ENTREP2: variants seen among roughly 807,000 people sequenced by gnomAD.
ENTREP2 encodes the protein endosomal transmembrane epsin interactor 2.
At chr15:29,177,035 AG>A in the ENTREP2 span, among the ~76,000 whole-genome samples, 2 of 152,200 alleles carry the variant, frequency 1.3e-5, no homozygotes, top group African/African-American at 4.8e-5. Flanking sequence ...GACTTTCAAG[AG>A]GTAGAGCCAA....
the ENTREP2 span, among the ~76,000 whole-genome samples, chr15:29,135,455 C>T: frequency 9.2e-5 from 14 of 152,060 alleles, no homozygotes; most frequent in African/African-American, 2.7e-4. The surrounding 1 kb of genome is among the most constrained non-coding windows in gnomAD (Gnocchi z 7.4). Flanking sequence ...CTATGGGCCA[C>T]GTGACTTTTC....
the ENTREP2 span, among the ~76,000 whole-genome samples, chr15:29,386,157 G>A: frequency 6.6e-6 from 1 of 152,106 alleles, no homozygotes; most frequent in Non-Finnish European, 1.5e-5. Flanking sequence ...TGTACACTAG[G>A]GCAAGAACCA....
chr15:29,401,923 G>A, the ENTREP2 span, among the ~76,000 whole-genome samples: 1 of 152,266 alleles, frequency 6.6e-6, no homozygotes, highest in African/African-American at 2.4e-5. Context: ...ATGGATGAAT[G>A]CATTTACTAC....
At chr15:29,426,033 C>T in the ENTREP2 span, among the ~76,000 whole-genome samples, 8 of 150,070 alleles carry the variant, frequency 5.3e-5, no homozygotes, top group African/African-American at 1.9e-4. Context: ...ATAATTATTA[C>T]ATAAAGATAA....
At chr15:29,268,740 G>C in the ENTREP2 span, 1 of 1,538,224 alleles carries the variant, frequency 6.5e-7, no homozygotes, top group Non-Finnish European at 8.8e-7. Flanking sequence ...CCTCTAAACT[G>C]TGCCTTTGGG....
the ENTREP2 span, among the ~76,000 whole-genome samples, chr15:29,245,733 G>C: frequency 6.6e-6 from 1 of 152,024 alleles, no homozygotes; most frequent in Non-Finnish European, 1.5e-5. Flanking sequence ...CAAATATAAA[G>C]ATGCTCAACT....
At chr15:29,124,171 C>T in the ENTREP2 span, among the ~76,000 whole-genome samples, 1 of 152,318 alleles carries the variant, frequency 6.6e-6, no homozygotes, top group Admixed American at 6.5e-5. Context: ...GGACCTGGCT[C>T]CAGCTCCCCA....
the ENTREP2 span, chr15:29,136,962 G>C: frequency 7.8e-7 from 1 of 1,279,052 alleles, no homozygotes; most frequent in Non-Finnish European, 1.0e-6. Flanking sequence ...CAGGACCACT[G>C]CAACTCCCAC....
the ENTREP2 span, among the ~76,000 whole-genome samples, chr15:29,175,404 G>A: frequency 1.2e-4 from 18 of 152,202 alleles, no homozygotes; most frequent in Admixed American, 2.6e-4. Flanking sequence ...TGTCTGATCG[G>A]ATTGAAAACA....
At chr15:29,403,903 G>C in the ENTREP2 span, among the ~76,000 whole-genome samples, 1 of 152,192 alleles carries the variant, frequency 6.6e-6, no homozygotes, top group African/African-American at 2.4e-5. Context: ...GCCCCAGCCT[G>C]GGAGCTGTGC....
the ENTREP2 span, among the ~76,000 whole-genome samples, chr15:29,398,565 A>G: frequency 6.6e-6 from 1 of 151,980 alleles, no homozygotes; most frequent in Non-Finnish European, 1.5e-5. Context: ...CTCTACTAAA[A>G]ATACAAAAAT....
At chr15:29,218,485 C>T in the ENTREP2 span, among the ~76,000 whole-genome samples, 2 of 151,968 alleles carry the variant, frequency 1.3e-5, no homozygotes, top group Non-Finnish European at 2.9e-5. Context: ...CATACAAAAC[C>T]AAAAAAGAGC....
the ENTREP2 span, among the ~76,000 whole-genome samples, chr15:29,147,594 C>T: frequency 1.3e-5 from 2 of 151,822 alleles, no homozygotes; most frequent in Non-Finnish European, 2.9e-5. Context: ...AAACTGGAAC[C>T]ACAATGAAAT....
At chr15:29,465,083 T>C in the ENTREP2 span, among the ~76,000 whole-genome samples, 1 of 152,086 alleles carries the variant, frequency 6.6e-6, no homozygotes, top group African/African-American at 2.4e-5. Context: ...GACGATGCGG[T>C]TGGGAGCTGC....
chr15:29,590,335 G>A, the ENTREP2 span, among the ~76,000 whole-genome samples: 3 of 152,066 alleles, frequency 2.0e-5, no homozygotes, highest in South Asian at 2.1e-4. Context: ...ACATCCTGGC[G>A]CATTTGTAAG....
chr15:29,517,476 T>C, the ENTREP2 span, among the ~76,000 whole-genome samples: 2 of 152,136 alleles, frequency 1.3e-5, no homozygotes, highest in Non-Finnish European at 1.5e-5. Context: ...AAATTAGGTA[T>C]GCCTGCACTA....
the ENTREP2 span, chr15:29,128,980 C>T: frequency 6.2e-6 from 4 of 642,962 alleles, no homozygotes; most frequent in African/African-American, 5.5e-5. Context: ...GAGAGACGTT[C>T]ATCCACACCT....
chr15:29,618,110 A>C, the ENTREP2 span, among the ~76,000 whole-genome samples: 2 of 152,098 alleles, frequency 1.3e-5, no homozygotes, highest in Non-Finnish European at 2.9e-5. Flanking sequence ...CCATGTCTAT[A>C]GTGTCCATAG....
At chr15:29,426,268 TCTTG>T in the ENTREP2 span, among the ~76,000 whole-genome samples, 2 of 152,204 alleles carry the variant, frequency 1.3e-5, no homozygotes, top group Non-Finnish European at 2.9e-5. Flanking sequence ...CCTAGAGGAA[TCTTG>T]CTTAACAACC....
Sources: allele counts gnomAD v4.1 joint callset (sites outside exome capture counted in the v4.1 genomes callset), GRCh38; gene constraint gnomAD v4.1.1; non-coding constraint Gnocchi (gnomAD v3.1); transcripts MANE v1.5; gene names NCBI Gene and HGNC (gene_info 2026-07-23, HGNC 2026-07-21).